HDAC3: variants seen among roughly 807,000 people sequenced by gnomAD.
HDAC3 encodes the protein SMAP45.
Under a neutral mutation model 62.3 loss-of-function variants are expected in HDAC3, and 21 were observed. That is an observed-to-expected ratio of 0.34 (90% CI 0.24 to 0.49). The LOEUF (loss-of-function observed/expected upper bound fraction) is 0.49, where lower values mean the gene tolerates loss of function less well. HDAC3 is among the 20% of genes least tolerant of loss of function. The pLI is 0.99. For synonymous variants in HDAC3, 198 were observed against 206.5 expected, an observed-to-expected ratio of 0.96 and a Z score of 0.35; for missense variants, 270 against 556.9, an observed-to-expected ratio of 0.48 and a Z score of 5.19.
intron 3 of HDAC3, among the ~76,000 whole-genome samples, chr5:141,632,557 A>C (rs1309011925): frequency 1.3e-5 from 2 of 152,224 alleles, no homozygotes; most frequent in African/African-American, 2.4e-5. Flanking sequence ...AAGAGCATCT[A>C]CGGGACCCCA....
In HDAC3 at chr5:141,620,971, C is replaced by G. The variant is rs1347159745; in HGVS notation, c.*497G>C. The G allele has an allele frequency of 5.9e-6, 1 of 170,058 alleles. No individual in the cohort carries two copies. The highest frequency in any genetic ancestry group is 1.2e-5 in the Non-Finnish European group (1 of 80,598). The allele number at this position is 170,058 out of a possible 1,614,324, so 10.5% of individuals were successfully genotyped here. ...GAGAACAGAACATTTTCATATCCTC[C>G]CCACACTTGAAAACATACTTCCCAT... is the stretch of plus-strand genomic sequence containing the variant. On this transcript the variant is annotated 3_prime_UTR_variant, in exon 15 of 15. Transcript: ENST00000305264.
At chr5:141,633,719 G>A (rs1458546268) in intron 3 of HDAC3, among the ~76,000 whole-genome samples, 2 of 151,328 alleles carry the variant, frequency 1.3e-5, no homozygotes, top group African/African-American at 2.4e-5. Context: ...CCAGCTACTC[G>A]GGAGTCTGAG....
chr5:141,625,710 C>G lies in HDAC3; in HGVS notation c.1034G>C (p.Arg345Pro). 6.2e-7 allele frequency: 1 copy of G among 1,614,104 alleles called. No homozygotes were observed. Among genetic ancestry groups the G allele is most frequent in the Non-Finnish European group, 8.5e-7 (1 of 1,179,996 alleles). The change falls in exon 13 of 15, where the codon CGC becomes CCC. Residue 345 changes from arginine (R) to proline (P), a missense_variant. This residue lies in a region of HDAC3 where 156 missense variants were observed against 383.9 expected (regional missense o/e 0.41). Transcript: ENST00000305264. The surrounding 1 kb of genome is among the most constrained non-coding windows in gnomAD (Gnocchi z 4.0). Reference protein sequence around the residue: ...DFTLHPDVSTRIENQNSRQYL... With the variant: ...DFTLHPDVSTPIENQNSRQYL... ...CTGGCGTGAGTTCTGATTCTCGATGCGGGTGCTGACATCTGGATGAAGTGT... is the reference window on the plus strand; with the variant it reads ...CTGGCGTGAGTTCTGATTCTCGATGGGGGTGCTGACATCTGGATGAAGTGT...
intron 3 of HDAC3, among the ~76,000 whole-genome samples, chr5:141,631,628 T>C (rs1043894178): frequency 1.3e-5 from 2 of 152,096 alleles, no homozygotes; most frequent in East Asian, 1.9e-4. Context: ...GACGAAGAAA[T>C]AGCAATGAGA....
chr5:141,625,828 C>T lies in HDAC3; in HGVS notation c.980-64G>A. On this transcript the variant is annotated intron_variant, in intron 12 of 14. Transcript: ENST00000305264. This position sits in a 1 kb window ranked among gnomAD's most constrained non-coding sequence, Gnocchi z 4.0. ...AAGGCAGCTAACAAGACTTCCCAAT[C>T]TTTTTCCTTCCCATCCAGAGCACCT... is the stretch of plus-strand genomic sequence containing the variant. 1 of 1,497,246 alleles carries T rather than the reference C, an allele frequency of 6.7e-7. No individual in the cohort carries two copies. Among genetic ancestry groups the T allele is most frequent in the Non-Finnish European group, 9.3e-7 (1 of 1,073,948 alleles). The allele number at this position is 1,497,246 out of a possible 1,614,324, so 92.7% of individuals were successfully genotyped here. A position where few individuals can be genotyped will look rare whatever the true frequency, so the allele number is the denominator to read the frequency against.
intron 3 of HDAC3, among the ~76,000 whole-genome samples, chr5:141,631,211 G>A (rs2099905170): frequency 6.6e-6 from 1 of 152,006 alleles, no homozygotes; most frequent in Admixed American, 6.6e-5. Flanking sequence ...TTTTTGAGAT[G>A]GGGTCTTGCT....
Position 141,626,257 on chromosome 5 carries a change from A to T in HDAC3, c.857T>A (p.Phe286Tyr). 6.2e-7 allele frequency: 1 copy of T among 1,614,182 alleles called. No individual in the cohort carries two copies. The highest frequency in any genetic ancestry group is 8.5e-7 in the Non-Finnish European group (1 of 1,180,018). The change falls in exon 11 of 15, where the codon TTC (phenylalanine) becomes TAC (tyrosine). Residue 286 changes from phenylalanine to tyrosine, a missense_variant. Around this residue, in one of 5 missense-constraint regions of HDAC3, gnomAD observed 156 missense variants for 383.9 expected, o/e 0.41. Coordinates refer to ENST00000305264, the MANE Select transcript of HDAC3 (RefSeq NM_003883.4). The surrounding 1 kb of genome is among the most constrained non-coding windows in gnomAD (Gnocchi z 4.6). The stretch of plus-strand genomic sequence containing the variant: ...ACCCAGCACGAGTAGAGGGATATTG[A>T]AGCTCTTGACATATTCAACGCATTC... ...HGECVEYVKS[F>Y]NIPLLVLGGG...
intron 2 of HDAC3, among the ~76,000 whole-genome samples, chr5:141,635,553 G>T (rs2099905848): frequency 6.6e-6 from 1 of 152,218 alleles, no homozygotes; most frequent in African/African-American, 2.4e-5. Flanking sequence ...CACAAGCAAT[G>T]AACATTCATT....
chr5:141,630,622 A>G (rs1053427379), intron 3 of HDAC3, among the ~76,000 whole-genome samples: 2 of 152,258 alleles, frequency 1.3e-5, no homozygotes, highest in Non-Finnish European at 2.9e-5. Context: ...AATAAATGTC[A>G]GCTATAATTA....
rs1450777811 is a variant in HDAC3, at chr5:141,628,524, G to T, written c.691+35C>A. On this transcript the variant is annotated intron_variant, in intron 8 of 14. Transcript: ENST00000305264. This position sits in a 1 kb window ranked among gnomAD's most constrained non-coding sequence, Gnocchi z 4.7. ...GGTTATTTCAAGGAGAAAAAGAAGG[G>T]GCCTAGGGAACAGAGGGAAGACTTC... 6.5e-7 allele frequency: 1 copy of T among 1,533,464 alleles called. No individual in the cohort carries two copies. The highest frequency in any genetic ancestry group is 9.0e-7 in the Non-Finnish European group (1 of 1,106,744). The allele number at this position is 1,533,464 out of a possible 1,614,324, so 95.0% of individuals were successfully genotyped here. A position where few individuals can be genotyped will look rare whatever the true frequency, so the allele number is the denominator to read the frequency against.
Position 141,629,946 on chromosome 5 carries a change from T to C in HDAC3, c.364-30A>G. 1 of 1,613,916 alleles carries C rather than the reference T, an allele frequency of 6.2e-7. No individual in the cohort carries two copies. The highest frequency in any genetic ancestry group is 8.5e-7 in the Non-Finnish European group (1 of 1,179,782). On this transcript the variant is annotated intron_variant, in intron 4 of 14. Coordinates refer to ENST00000305264, the MANE Select transcript of HDAC3 (RefSeq NM_003883.4). The surrounding 1 kb of genome is among the most constrained non-coding windows in gnomAD (Gnocchi z 5.3). ...AAGACAAACACCTAAGTCACAGTCC[T>C]TCCTGCCCACCCCTCAAGCTGGGAG... is the stretch of plus-strand genomic sequence containing the variant.
At chr5:141,624,912 A>T in intron 14 of HDAC3, 2 of 305,670 alleles carry the variant, frequency 6.5e-6, no homozygotes, top group Non-Finnish European at 1.2e-5. Context: ...TATATTTGCA[A>T]TCTATAGAAA....
intron 3 of HDAC3, among the ~76,000 whole-genome samples, chr5:141,631,796 C>T (rs1410655231): frequency 2.6e-5 from 4 of 152,118 alleles, no homozygotes; most frequent in African/African-American, 9.7e-5. Context: ...ATAGACCCTG[C>T]TTCATAGGGG....
intron 2 of HDAC3, chr5:141,636,192 T>C (rs1596447871): frequency 3.5e-6 from 1 of 288,772 alleles, no homozygotes; most frequent in South Asian, 5.1e-5. Flanking sequence ...CCTGATACAG[T>C]GATATCCGCT....
intron 3 of HDAC3, among the ~76,000 whole-genome samples, chr5:141,631,383 G>C (rs1273548023): frequency 6.6e-6 from 1 of 152,152 alleles, no homozygotes; most frequent in Admixed American, 6.5e-5. Flanking sequence ...TAATGCAATT[G>C]TCAGCTCCAG....
chr5:141,634,013 A>G (rs1430559855), intron 3 of HDAC3, among the ~76,000 whole-genome samples: 2 of 152,166 alleles, frequency 1.3e-5, no homozygotes, highest in Non-Finnish European at 2.9e-5. Flanking sequence ...CTATTTTTTC[A>G]TGGATATAGA....
At chr5:141,630,352 AG>A (rs1596442469) in intron 3 of HDAC3, among the ~76,000 whole-genome samples, 1 of 152,276 alleles carries the variant, frequency 6.6e-6, no homozygotes, top group East Asian at 1.9e-4. Context: ...CTTAACTGTC[AG>A]GGAGTTTGTA....
intron 3 of HDAC3, among the ~76,000 whole-genome samples, chr5:141,631,886 C>T (rs1328964949): frequency 3.3e-5 from 5 of 151,516 alleles, no homozygotes; most frequent in African/African-American, 9.7e-5. Context: ...CTAAGGATTA[C>T]AGATTAGTAA....
chr5:141,630,163 C>T (rs769571037), intron 3 of HDAC3, 38 bp from the exon 4 acceptor site: 1 of 1,586,338 alleles, frequency 6.3e-7, no homozygotes, highest in East Asian at 2.2e-5. Flanking sequence ...CCTCCTGCCT[C>T]TGTCTGGGCC....
Sources: gnomAD v4.1 joint callset for allele counts (sites outside exome capture counted in the v4.1 genomes callset) on GRCh38, gnomAD v4.1.1 for gene constraint, gnomAD v4.1.1 regional missense constraint, Gnocchi (gnomAD v3.1) non-coding constraint, MANE v1.5 for transcripts, NCBI Gene and HGNC (gene_info 2026-07-23, HGNC 2026-07-21) for gene names.